The following JPH2 variants were observed in gnomAD, a reference collection of about 807,000 sequenced individuals.
The protein encoded by JPH2 is junctophilin-2.
In JPH2, 38 loss-of-function variants were observed where a neutral mutation model predicts 55.9. The observed-to-expected ratio is 0.68, with a 90% CI of 0.52 to 0.89. The LOEUF is 0.89. Among genes scored for constraint, JPH2 ranks in the 40% least tolerant of loss-of-function variants. The pLI, the probability that JPH2 is intolerant of heterozygous loss-of-function variation, is 0.00. For synonymous variants in JPH2, 480 were observed against 472.4 expected (o/e 1.02, Z -0.21); for missense variants, 964 against 1,037.6 (o/e 0.93, Z 0.97).
intron 2 of JPH2, among the ~76,000 whole-genome samples, chr20:44,121,054 G>A (rs1014266477): frequency 4.5e-5 from 5 of 112,178 alleles, no homozygotes; most frequent in East Asian, 3.3e-4. Context: ...GAAATATGCC[G>A]TGAAGGAGGA....
chr20:44,141,977 G>A (rs12624925), intron 2 of JPH2, among the ~76,000 whole-genome samples: 23,584 of 152,202 alleles, frequency 0.15, 2,041 homozygotes, highest in Admixed American at 0.27. Context: ...CTCAAGAGAT[G>A]GCGAGCTCCC....
intron 1 of JPH2, among the ~76,000 whole-genome samples, chr20:44,182,686 C>T (rs2072795660): frequency 6.6e-6 from 1 of 152,226 alleles, no homozygotes; most frequent in Admixed American, 6.5e-5. Flanking sequence ...ACGACTCCAT[C>T]TAAGAACACC....
At chr20:44,124,056 G>A (rs1234940739) in intron 2 of JPH2, among the ~76,000 whole-genome samples, 2 of 152,180 alleles carry the variant, frequency 1.3e-5, no homozygotes, top group African/African-American at 4.8e-5. Context: ...AGCAGTCACT[G>A]GGGCCGGGGG....
chr20:44,162,775 TATATATATATATACAC>T (rs1239933176), intron 1 of JPH2, among the ~76,000 whole-genome samples: 773 of 82,952 alleles, frequency 9.3e-3, no homozygotes, highest in Non-Finnish European at 0.015. Context: ...TATATATATA[TATATATATATATACAC>T]ACACACACAC....
At chr20:44,118,204 T>A (rs2072207780) in intron 3 of JPH2, among the ~76,000 whole-genome samples, 1 of 152,108 alleles carries the variant, frequency 6.6e-6, no homozygotes, top group Non-Finnish European at 1.5e-5. Context: ...TTCCCTCTCA[T>A]CCACCAGTGA....
chr20:44,121,880 C>A (rs2072239904), intron 2 of JPH2, among the ~76,000 whole-genome samples: 1 of 152,040 alleles, frequency 6.6e-6, no homozygotes, highest in Non-Finnish European at 1.5e-5. Flanking sequence ...GTAGTCCCAG[C>A]TACTCAGGAG....
intron 1 of JPH2, chr20:44,178,074 T>TA: frequency 1.3e-6 from 1 of 777,364 alleles, no homozygotes; most frequent in Non-Finnish European, 2.4e-6. Context: ...CAGATCTGCC[T>TA]ACTCTAAGTC....
intron 1 of JPH2, among the ~76,000 whole-genome samples, chr20:44,168,458 A>G (rs1008619515): frequency 8.5e-5 from 13 of 152,242 alleles, no homozygotes; most frequent in African/African-American, 2.9e-4. Flanking sequence ...TTTAAGTTAC[A>G]TACATAGTTC....
chr20:44,134,874 ATT>A (rs1474197348), intron 2 of JPH2, among the ~76,000 whole-genome samples: 13 of 25,084 alleles, frequency 5.2e-4, no homozygotes, highest in Admixed American at 1.6e-3. Context: ...AAATATATAT[ATT>A]TATATATATA....
intron 5 of JPH2, among the ~76,000 whole-genome samples, chr20:44,113,829 GCAGGAAGCA>G (rs2072165119): frequency 6.6e-6 from 1 of 152,190 alleles, no homozygotes; most frequent in Non-Finnish European, 1.5e-5. Context: ...ATCAGTGCCT[GCAGGAAGCA>G]TTCCCAGAGC....
At chr20:44,127,630 C>T (rs1202795327) in intron 2 of JPH2, among the ~76,000 whole-genome samples, 1 of 151,920 alleles carries the variant, frequency 6.6e-6, no homozygotes, top group Admixed American at 6.6e-5. Flanking sequence ...GGATTACAGG[C>T]ACCCGACACC....
chr20:44,185,302 T>C (rs997474474), intron 1 of JPH2, among the ~76,000 whole-genome samples: 3 of 151,966 alleles, frequency 2.0e-5, no homozygotes, highest in African/African-American at 7.3e-5. Context: ...GCAAGACCTA[T>C]CTTTAAAAAA....
chr20:44,145,237 G>A (rs1188004543), intron 2 of JPH2, among the ~76,000 whole-genome samples: 1 of 152,194 alleles, frequency 6.6e-6, no homozygotes, highest in Non-Finnish European at 1.5e-5. Flanking sequence ...TTGCATCTGT[G>A]GGAGAGGGAG....
rs781319036 is a variant in JPH2 at position 44,159,606 on chromosome 20, C to T, written c.1169+12G>A. ...GGGAGGCGACCCCTTCCCACCCCCACCGCTGTCCTACCTGGAGGCGGCAAT... is the reference window on the plus strand; with the variant it reads ...GGGAGGCGACCCCTTCCCACCCCCATCGCTGTCCTACCTGGAGGCGGCAAT... On this transcript the variant is annotated intron_variant, in intron 2 of 5. Coordinates refer to ENST00000372980, the MANE Select transcript of JPH2 (RefSeq NM_020433.5). The surrounding 1 kb of genome is among the most constrained non-coding windows in gnomAD (Gnocchi z 5.7). The T allele has an allele frequency of 5.0e-6, 8 of 1,596,758 alleles. No individual in the cohort carries two copies. The highest frequency in any genetic ancestry group is 1.1e-5 in the South Asian group (1 of 90,082).
At chr20:44,114,629 C>T (rs2072173214) in intron 5 of JPH2, among the ~76,000 whole-genome samples, 153 bp downstream of exon 5, 1 of 151,354 alleles carries the variant, frequency 6.6e-6, no homozygotes, top group African/African-American at 2.4e-5. Flanking sequence ...TCAAATCACA[C>T]TCTAGGTCTT....
chr20:44,132,133 A>T (rs1279390916), intron 2 of JPH2, among the ~76,000 whole-genome samples: 1 of 152,182 alleles, frequency 6.6e-6, no homozygotes, highest in Non-Finnish European at 1.5e-5. Flanking sequence ...TTATGTAGCC[A>T]ATCCTAGGAA....
intron 1 of JPH2, among the ~76,000 whole-genome samples, chr20:44,167,747 G>A (rs1410916687): frequency 1.3e-5 from 2 of 152,190 alleles, no homozygotes; most frequent in Non-Finnish European, 2.9e-5. Flanking sequence ...AGCCTGCGGA[G>A]CCTCAGTTTG....
rs943213613 is a variant in JPH2 at position 44,107,502 on chromosome 20, C to T, written c.*6016G>A. Among the ~76,000 whole-genome samples, 15 of 152,316 alleles carry T rather than the reference C, an allele frequency of 9.8e-5. No individual in the cohort carries two copies. The highest frequency in any genetic ancestry group is 5.2e-4 in the Admixed American group (8 of 15,298). On this transcript the variant is annotated 3_prime_UTR_variant, in exon 6 of 6. Coordinates refer to ENST00000372980, the MANE Select transcript of JPH2 (RefSeq NM_020433.5). The stretch of plus-strand genomic sequence containing the variant: ...TTTCCTGGTGAAAGTTTTTAGGAAG[C>T]AAATTCCATCCTCCATACTCTCTTT...
rs375422295 is a variant in JPH2, at chr20:44,151,527, CAGAA to C, written c.1169+8087_1169+8090del. 1.4e-4 allele frequency among the ~76,000 whole-genome samples: 21 copies of C among 151,820 alleles called. No homozygotes were observed. The East Asian group carries it at 3.9e-3, about 28-fold the overall frequency. ...GCAAGACTCTGTCTCAAAAAAAAAA[CAGAA>C]AGAAAAATCAAGAGTTGTGCTAACA... On this transcript the variant is annotated intron_variant, in intron 2 of 5. Transcript: ENST00000372980.
Sources: allele counts gnomAD v4.1 joint callset (sites outside exome capture counted in the v4.1 genomes callset), GRCh38; gene constraint gnomAD v4.1.1; non-coding constraint Gnocchi (gnomAD v3.1); transcripts MANE v1.5; gene names NCBI Gene and HGNC (gene_info 2026-07-23, HGNC 2026-07-21).